Variants in EFEMP1 observed in about 807,000 individuals in gnomAD.
The protein encoded by EFEMP1 is EGF-like fibulin extracellular matrix protein 1.
A neutral mutation model predicts 65.7 loss-of-function variants in EFEMP1; 18 were observed. That is an observed-to-expected ratio of 0.27 (90% CI 0.19 to 0.41). EFEMP1 has a LOEUF of 0.41. Among genes scored for constraint, EFEMP1 ranks in the 10% least tolerant of loss-of-function variants. EFEMP1 has a pLI of 1.00. For missense variants in EFEMP1, 469 were observed against 624.8 expected (o/e 0.75, Z 2.66); for synonymous variants, 237 against 219.7 (o/e 1.08, Z -0.70).
At chr2:55,878,714 A>G (rs768685406) in intron 6 of EFEMP1, among the ~76,000 whole-genome samples, 3 of 152,158 alleles carry the variant, frequency 2.0e-5, no homozygotes, top group Non-Finnish European at 4.4e-5. Flanking sequence ...TACTTTAATA[A>G]CTAAAATTAA....
chr2:55,918,910 C>G (rs1021034417), intron 3 of EFEMP1, among the ~76,000 whole-genome samples: 1 of 152,094 alleles, frequency 6.6e-6, no homozygotes, highest in South Asian at 2.1e-4. Context: ...AGACTTTGTC[C>G]CTGTCCTCAA....
At chr2:55,875,144 A>T in intron 8 of EFEMP1, 79 bp from the exon 9 acceptor site, 9 of 482,224 alleles carry the variant, frequency 1.9e-5, no homozygotes, top group Non-Finnish European at 2.7e-5. Context: ...ATATATATAA[A>T]TTATATATAT....
At chr2:55,914,138 G>A (rs545371648) in intron 5 of EFEMP1, among the ~76,000 whole-genome samples, 1 of 151,412 alleles carries the variant, frequency 6.6e-6, no homozygotes, top group Admixed American at 6.6e-5. Context: ...TGTCTTTGAG[G>A]CAGATGATAT....
Position 55,917,064 on chromosome 2 carries a change from G to A in EFEMP1, c.517+601C>T, listed in dbSNP as rs994996584. Among the ~76,000 whole-genome samples, 56 of 152,170 alleles carry A rather than the reference G, an allele frequency of 3.7e-4. No homozygotes were observed. Among genetic ancestry groups the A allele is most frequent in the Admixed American group, 3.3e-3 (50 of 15,278 alleles). ...ATCCCTCCAAGGTAATGAGAAGCAG[G>A]AGCCCCATTTCTTTACTCCTGAATG... is the stretch of plus-strand genomic sequence containing the variant. On this transcript the variant is annotated intron_variant, in intron 5 of 11. Transcript: ENST00000355426. This position sits in a 1 kb window ranked among gnomAD's most constrained non-coding sequence, Gnocchi z 6.3.
intron 5 of EFEMP1, among the ~76,000 whole-genome samples, chr2:55,910,354 C>A (rs1328248255): frequency 6.6e-6 from 1 of 152,136 alleles, no homozygotes; most frequent in Non-Finnish European, 1.5e-5. Context: ...TTTGCAATTA[C>A]CTCCTGGAAA....
chr2:55,911,611 C>T (rs938449826), intron 5 of EFEMP1, among the ~76,000 whole-genome samples: 5 of 152,062 alleles, frequency 3.3e-5, no homozygotes, highest in African/African-American at 1.2e-4. Context: ...GTTTCTGATT[C>T]AGTCAGTCTG....
At chr2:55,915,971 C>T (rs1257020249) in intron 5 of EFEMP1, among the ~76,000 whole-genome samples, 3 of 152,208 alleles carry the variant, frequency 2.0e-5, no homozygotes, top group South Asian at 2.1e-4. Context: ...GACAGTAACA[C>T]GAAACAGATG....
At chr2:55,897,174 GC>G (rs1669859436) in intron 5 of EFEMP1, among the ~76,000 whole-genome samples, 1 of 152,076 alleles carries the variant, frequency 6.6e-6, no homozygotes, top group African/African-American at 2.4e-5. Context: ...TTGAGGGTAG[GC>G]CCCATAAGCT....
At chr2:55,894,938 C>T (rs1354846939) in intron 5 of EFEMP1, among the ~76,000 whole-genome samples, 1 of 152,208 alleles carries the variant, frequency 6.6e-6, no homozygotes, top group Non-Finnish European at 1.5e-5. Context: ...ACATTTCTGA[C>T]CCCTTCCTAC....
At position 55,919,943 on chromosome 2, in the gene EFEMP1, A is replaced by G. The variant is rs114956396; in HGVS notation, c.82-1676T>C. Among the ~76,000 whole-genome samples, 211 of 152,284 alleles carry G rather than the reference A, an allele frequency of 1.4e-3. No homozygotes were observed. Among genetic ancestry groups the G allele is most frequent in the African/African-American group, 5.0e-3 (207 of 41,550 alleles). On this transcript the variant is annotated intron_variant, in intron 3 of 11. Transcript: ENST00000355426. The surrounding 1 kb of genome is among the most constrained non-coding windows in gnomAD (Gnocchi z 4.5). Reference sequence around the variant, plus strand: ...GAAAGGCTTTTGCTGGCCCATGAGTAGGCAAGGCCCCGCATCTCTACATGC... The same window carrying G: ...GAAAGGCTTTTGCTGGCCCATGAGTGGGCAAGGCCCCGCATCTCTACATGC...
chr2:55,887,792 C>A (rs777426109), intron 5 of EFEMP1, among the ~76,000 whole-genome samples: 4 of 152,140 alleles, frequency 2.6e-5, no homozygotes, highest in Non-Finnish European at 2.9e-5. Flanking sequence ...CCTGATAGTT[C>A]ATTTCTTTGT....
chr2:55,917,961 G>A lies in EFEMP1; in HGVS notation c.221C>T (p.Thr74Ile). Residue 74 changes from threonine to isoleucine, a missense_variant, in exon 5 of 12, where the codon ACA (threonine) becomes ATA (isoleucine). Thr to Ile is a moderately conservative substitution (Grantham distance 89). Transcript: ENST00000355426. This position sits in a 1 kb window ranked among gnomAD's most constrained non-coding sequence, Gnocchi z 6.3. ...TTCATTATTGACAATAATCTGGGCT[G>A]TTTTCGGAAGGCAGAGGTATCCTCC... The part of the protein sequence containing the change: ...HYGGYLCLPK[T>I]AQIIVNNEQP... The A allele has an allele frequency of 6.2e-7, 1 of 1,614,206 alleles. No homozygotes were observed. The highest frequency in any genetic ancestry group is 8.5e-7 in the Non-Finnish European group (1 of 1,180,046).
In EFEMP1 at chr2:55,917,692, C is replaced by G; in HGVS notation, c.490G>C (p.Glu164Gln). Reference protein sequence around the residue: ...SHRIQCAAGYEQSEHNVCQDI... With the variant: ...SHRIQCAAGYQQSEHNVCQDI... ...TGGCACACGTTGTGTTCACTTTGCT[C>G]GTAGCCTGCTGCACACTGGATACGG... The change falls in exon 5 of 12, where the codon GAG becomes CAG. Residue 164 changes from glutamate to glutamine, a missense_variant. Physicochemically the swap from Glu to Gln is conservative, Grantham distance 29 (BLOSUM62 2). Around this residue, in one of 3 missense-constraint regions of EFEMP1, gnomAD observed 399 missense variants for 528.2 expected, o/e 0.76. Coordinates refer to ENST00000355426, the MANE Select transcript of EFEMP1 (RefSeq NM_001039348.3). The surrounding 1 kb of genome is among the most constrained non-coding windows in gnomAD (Gnocchi z 6.3). The G allele has an allele frequency of 6.2e-7, 1 of 1,614,206 alleles. No homozygotes were observed. Among genetic ancestry groups the G allele is most frequent in the South Asian group, 1.1e-5 (1 of 91,078 alleles).
At chr2:55,881,804 C>T in intron 5 of EFEMP1, 70 bp from the exon 6 acceptor site, 1 of 1,584,038 alleles carries the variant, frequency 6.3e-7, no homozygotes, top group Non-Finnish European at 8.7e-7. Flanking sequence ...CATTTTGCCA[C>T]TTCTTAAGCT....
Position 55,873,066 on chromosome 2 carries a change from C to CA in EFEMP1, c.1000+1879_1000+1880insT, listed in dbSNP as rs55817415. Among the ~76,000 whole-genome samples, 5 of 145,402 alleles carry CA rather than the reference C, an allele frequency of 3.4e-5. No individual in the cohort carries two copies. Among genetic ancestry groups the CA allele is most frequent in the East Asian group, 2.1e-4 (1 of 4,856 alleles). Reference sequence around the variant, plus strand: ...TTCTTTTGTCTCTCTGTCTCTCTCTCCACACACACACACACACACACACAC... The same window carrying CA: ...TTCTTTTGTCTCTCTGTCTCTCTCTCACACACACACACACACACACACACAC... On this transcript the variant is annotated intron_variant, in intron 9 of 11. Coordinates refer to ENST00000355426, the MANE Select transcript of EFEMP1 (RefSeq NM_001039348.3). This position sits in a 1 kb window ranked among gnomAD's most constrained non-coding sequence, Gnocchi z 4.6.
intron 5 of EFEMP1, among the ~76,000 whole-genome samples, chr2:55,904,573 C>CAAGA (rs1670171478): frequency 6.6e-6 from 1 of 152,186 alleles, no homozygotes; most frequent in Non-Finnish European, 1.5e-5. Context: ...AACAAAGAGT[C>CAAGA]AGAGGAAGGA....
At chr2:55,911,388 G>T (rs1670478214) in intron 5 of EFEMP1, among the ~76,000 whole-genome samples, 1 of 152,054 alleles carries the variant, frequency 6.6e-6, no homozygotes, top group African/African-American at 2.4e-5. Context: ...TATAGCAGAA[G>T]TTAAGATTAA....
rs747895407 is a variant in EFEMP1 at position 55,885,745 on chromosome 2, T to C, written c.518-4011A>G. On this transcript the variant is annotated intron_variant, in intron 5 of 11. Transcript: ENST00000355426. This position sits in a 1 kb window ranked among gnomAD's most constrained non-coding sequence, Gnocchi z 4.3. ...TCTTTATCACACCGACCCCCACGTCTAGGGAACCGCACATTTGATTTTCTC... is the reference window on the plus strand; with the variant it reads ...TCTTTATCACACCGACCCCCACGTCCAGGGAACCGCACATTTGATTTTCTC... Among the ~76,000 whole-genome samples the C allele has an allele frequency of 2.6e-5, 4 of 152,150 alleles. No homozygotes were observed. The highest frequency in any genetic ancestry group is 4.8e-5 in the African/African-American group (2 of 41,432).
intron 5 of EFEMP1, among the ~76,000 whole-genome samples, chr2:55,892,788 C>T (rs541194104): frequency 6.6e-6 from 1 of 152,004 alleles, no homozygotes; most frequent in Non-Finnish European, 1.5e-5. Context: ...AGGTTGATGC[C>T]AAACTAAGTC....
Sources: gnomAD v4.1 joint callset for allele counts (sites outside exome capture counted in the v4.1 genomes callset) on GRCh38, gnomAD v4.1.1 for gene constraint, gnomAD v4.1.1 regional missense constraint, Gnocchi (gnomAD v3.1) non-coding constraint, MANE v1.5 for transcripts, NCBI Gene and HGNC (gene_info 2026-07-23, HGNC 2026-07-21) for gene names.